PGCKA1: variants seen among roughly 807,000 people sequenced by gnomAD.
PGCKA1 encodes the protein PDCD10 and GCKIII kinases associated 1.
chr4:37,589,626 C>T, the PGCKA1 span, among the ~76,000 whole-genome samples: 11 of 152,154 alleles, frequency 7.2e-5, no homozygotes, highest in Admixed American at 2.6e-4. Context: ...AAGAGTATTT[C>T]AGGCAGAACC....
chr4:37,475,516 ACT>A, the PGCKA1 span, among the ~76,000 whole-genome samples: 7 of 152,118 alleles, frequency 4.6e-5, no homozygotes, highest in Non-Finnish European at 1.0e-4. Context: ...TCATGAATTA[ACT>A]CTGTCACACT....
At chr4:37,564,965 C>T in the PGCKA1 span, among the ~76,000 whole-genome samples, 1 of 151,918 alleles carries the variant, frequency 6.6e-6, no homozygotes, top group South Asian at 2.1e-4. Context: ...TACACACACA[C>T]ACGTACACAC....
At chr4:37,467,230 G>A in the PGCKA1 span, among the ~76,000 whole-genome samples, 1 of 152,182 alleles carries the variant, frequency 6.6e-6, no homozygotes, top group South Asian at 2.1e-4. Context: ...GAAGAAAAAT[G>A]CACTTAGTGT....
chr4:37,529,849 A>C, the PGCKA1 span, among the ~76,000 whole-genome samples: 5 of 152,250 alleles, frequency 3.3e-5, no homozygotes, highest in African/African-American at 1.2e-4. Context: ...GCAGTGTGCT[A>C]GACACATTCC....
chr4:37,502,790 C>A, the PGCKA1 span, among the ~76,000 whole-genome samples: 188 of 152,150 alleles, frequency 1.2e-3, 2 homozygotes, highest in East Asian at 0.032. Context: ...CTGGAGCTCT[C>A]TACCAGTCAG....
the PGCKA1 span, among the ~76,000 whole-genome samples, chr4:37,554,253 A>G: frequency 6.6e-6 from 1 of 152,184 alleles, no homozygotes; most frequent in African/African-American, 2.4e-5. Flanking sequence ...GAGTCCATTA[A>G]ACCTCTTTTT....
chr4:37,552,330 C>G, the PGCKA1 span, among the ~76,000 whole-genome samples: 1 of 152,186 alleles, frequency 6.6e-6, no homozygotes, highest in Non-Finnish European at 1.5e-5. Context: ...GTTGTGAGCC[C>G]TTAAAAGGGA....
At chr4:37,580,225 G>A in the PGCKA1 span, among the ~76,000 whole-genome samples, 18 of 149,110 alleles carry the variant, frequency 1.2e-4, no homozygotes, top group African/African-American at 4.4e-4. Flanking sequence ...GCTATTTTAA[G>A]TTTTCTGTCA....
the PGCKA1 span, among the ~76,000 whole-genome samples, chr4:37,484,280 G>C: frequency 6.6e-6 from 1 of 152,072 alleles, no homozygotes; most frequent in African/African-American, 2.4e-5. Flanking sequence ...AAGGTGAAAG[G>C]CACATCTTAC....
At chr4:37,531,686 A>T in the PGCKA1 span, among the ~76,000 whole-genome samples, 2 of 151,466 alleles carry the variant, frequency 1.3e-5, no homozygotes, top group Admixed American at 1.3e-4. Flanking sequence ...AGGTCAGGAG[A>T]TCGAGACCAT....
chr4:37,530,998 AG>A, the PGCKA1 span, among the ~76,000 whole-genome samples: 1 of 152,150 alleles, frequency 6.6e-6, no homozygotes, highest in African/African-American at 2.4e-5. Flanking sequence ...AGCAAAGAAA[AG>A]GGAAAAAAAA....
the PGCKA1 span, among the ~76,000 whole-genome samples, chr4:37,521,832 C>T: frequency 1.7e-4 from 26 of 152,260 alleles, 1 homozygote; most frequent in Middle Eastern, 6.8e-3. Context: ...TTCTCTTTAG[C>T]GCTAATAATA....
At chr4:37,556,248 T>C in the PGCKA1 span, among the ~76,000 whole-genome samples, 12 of 128,852 alleles carry the variant, frequency 9.3e-5, no homozygotes, top group Admixed American at 9.3e-4. Context: ...TATTTTCTTT[T>C]TCTTTTTTTT....
chr4:37,481,241 C>G, the PGCKA1 span, among the ~76,000 whole-genome samples: 1 of 151,932 alleles, frequency 6.6e-6, no homozygotes, highest in African/African-American at 2.4e-5. Context: ...CCGGGTGGAT[C>G]ACGAGGTCAA....
the PGCKA1 span, among the ~76,000 whole-genome samples, chr4:37,552,299 C>T: frequency 6.6e-6 from 1 of 152,222 alleles, no homozygotes; most frequent in Non-Finnish European, 1.5e-5. Context: ...AATCACGACC[C>T]TTTCATGTAA....
At chr4:37,466,979 T>C in the PGCKA1 span, among the ~76,000 whole-genome samples, 1 of 152,250 alleles carries the variant, frequency 6.6e-6, no homozygotes, top group South Asian at 2.1e-4. Context: ...GCACCTGTAA[T>C]CCCAGCTACT....
chr4:37,484,849 C>T, the PGCKA1 span, among the ~76,000 whole-genome samples: 7 of 152,166 alleles, frequency 4.6e-5, no homozygotes, highest in African/African-American at 1.7e-4. Flanking sequence ...TCTTGGACTT[C>T]CCAACCTCCA....
chr4:37,516,331 G>T, the PGCKA1 span, among the ~76,000 whole-genome samples: 2 of 152,218 alleles, frequency 1.3e-5, no homozygotes, highest in African/African-American at 4.8e-5. Flanking sequence ...ACCCATTCAG[G>T]TTTGAATAGT....
At chr4:37,523,489 T>C in the PGCKA1 span, among the ~76,000 whole-genome samples, 4 of 152,092 alleles carry the variant, frequency 2.6e-5, no homozygotes, top group African/African-American at 9.7e-5. Context: ...GTGTTTTTTC[T>C]GTGTAAATAG....
Sources: gnomAD v4.1 joint callset for allele counts (sites outside exome capture counted in the v4.1 genomes callset) on GRCh38, gnomAD v4.1.1 for gene constraint, MANE v1.5 for transcripts, NCBI Gene and HGNC (gene_info 2026-07-23, HGNC 2026-07-21) for gene names.